NRXN3: variants seen among roughly 807,000 people sequenced by gnomAD.
The protein encoded by NRXN3 is neurexin 3.
In NRXN3, 32 loss-of-function variants were observed where a neutral mutation model predicts 137.6. That is an observed-to-expected ratio of 0.23 (90% CI 0.18 to 0.31). The LOEUF (loss-of-function observed/expected upper bound fraction) is 0.31. Ranked by LOEUF, NRXN3 falls within the 10% of genes least tolerant of loss-of-function variation. The probability of loss-of-function intolerance (pLI) is 1.00; values close to 1 mark genes in which losing one functional copy is unlikely to be tolerated. For synonymous variants in NRXN3, 798 were observed against 784.5 expected (o/e 1.02, Z -0.29); for missense variants, 1,574 against 2,062.5 (o/e 0.76, Z 4.59).
At chr14:79,561,377 T>C (rs1324623022) in intron 16 of NRXN3, among the ~76,000 whole-genome samples, 1 of 152,154 alleles carries the variant, frequency 6.6e-6, no homozygotes, top group African/African-American at 2.4e-5. Flanking sequence ...GCAGTAATGG[T>C]GAACAAATGT....
chr14:78,414,035 G>A (rs2092991902), intron 4 of NRXN3, among the ~76,000 whole-genome samples: 1 of 152,314 alleles, frequency 6.6e-6, no homozygotes, highest in African/African-American at 2.4e-5. Context: ...CAGCATGTAA[G>A]ACATGCCTTT....
intron 15 of NRXN3, among the ~76,000 whole-genome samples, chr14:79,097,024 T>TTC (rs1415480549): frequency 6.6e-6 from 1 of 151,824 alleles, no homozygotes; most frequent in Non-Finnish European, 1.5e-5. Context: ...TTTTTTTTTT[T>TTC]TTTTTACTTT....
intron 16 of NRXN3, among the ~76,000 whole-genome samples, chr14:79,575,509 A>T (rs1191654308): frequency 1.3e-5 from 2 of 152,238 alleles, no homozygotes; most frequent in Non-Finnish European, 2.9e-5. Context: ...TTAACAAAAC[A>T]TAAAAATAAC....
intron 4 of NRXN3, among the ~76,000 whole-genome samples, chr14:78,567,286 A>G (rs146556408): frequency 1.2e-4 from 18 of 152,366 alleles, no homozygotes; most frequent in African/African-American, 4.1e-4. Flanking sequence ...GGGCAAGAGT[A>G]CATAGAAAGG....
chr14:79,776,241 C>A (rs929322817), intron 19 of NRXN3, among the ~76,000 whole-genome samples: 3 of 152,108 alleles, frequency 2.0e-5, no homozygotes, highest in Non-Finnish European at 2.9e-5. Flanking sequence ...TTTATGATTT[C>A]TCTCTTCCTC....
chr14:78,235,654 C>T (rs1045574767), intron 1 of NRXN3, among the ~76,000 whole-genome samples: 6 of 151,992 alleles, frequency 3.9e-5, no homozygotes, highest in Non-Finnish European at 7.4e-5. Flanking sequence ...CCTGTCTCTC[C>T]CCATCTCCAT....
intron 15 of NRXN3, among the ~76,000 whole-genome samples, chr14:79,143,550 G>T (rs1311037443): frequency 2.0e-5 from 3 of 152,172 alleles, no homozygotes; most frequent in Non-Finnish European, 4.4e-5. Flanking sequence ...GAAATTGATT[G>T]AAAAGAAAAC....
chr14:78,427,452 T>C (rs976595180), intron 4 of NRXN3, among the ~76,000 whole-genome samples: 5 of 152,280 alleles, frequency 3.3e-5, no homozygotes, highest in Admixed American at 1.3e-4. Context: ...AAGTGAAATA[T>C]TTTGCCAGCT....
intron 19 of NRXN3, among the ~76,000 whole-genome samples, chr14:79,729,817 G>C (rs2098915159): frequency 6.6e-6 from 1 of 152,116 alleles, no homozygotes; most frequent in Non-Finnish European, 1.5e-5. Flanking sequence ...TCCTGGATTC[G>C]AGTGAGTGCA....
chr14:79,041,289 A>C (rs1449144371), intron 15 of NRXN3, among the ~76,000 whole-genome samples: 1 of 152,202 alleles, frequency 6.6e-6, no homozygotes, highest in African/African-American at 2.4e-5. Flanking sequence ...TGTATGTCAA[A>C]GAGCATGGTT....
In NRXN3 at chr14:79,166,106, A is replaced by AT. The variant is rs563746086; in HGVS notation, c.3262+177972dup. On this transcript the variant is annotated intron_variant, in intron 15 of 20. Transcript: ENST00000335750. ...CTGGTTTACTCCCTTTTTAGAAATTATTTTTTTGATGAATATCATGTTAAA... is the reference window on the plus strand; with the variant it reads ...CTGGTTTACTCCCTTTTTAGAAATTATTTTTTTTGATGAATATCATGTTAAA... 2.4e-3 allele frequency among the ~76,000 whole-genome samples: 365 copies of AT among 152,042 alleles called. 2 individuals are homozygous for AT. The highest frequency in any genetic ancestry group is 8.1e-3 in the African/African-American group (338 of 41,498).
intron 15 of NRXN3, among the ~76,000 whole-genome samples, chr14:79,412,661 C>G (rs2095434009): frequency 6.6e-6 from 1 of 150,700 alleles, no homozygotes; most frequent in African/African-American, 2.4e-5. Flanking sequence ...CCTGTAATCC[C>G]AATCCCAGCT....
intron 15 of NRXN3, among the ~76,000 whole-genome samples, chr14:79,200,717 A>G (rs1376291964): frequency 6.6e-6 from 1 of 152,064 alleles, no homozygotes; most frequent in Admixed American, 6.6e-5. Flanking sequence ...TTGAAGAAAG[A>G]GATTTCACAC....
At chr14:79,739,368 G>C (rs1406304602) in intron 19 of NRXN3, among the ~76,000 whole-genome samples, 1 of 152,110 alleles carries the variant, frequency 6.6e-6, no homozygotes, top group Non-Finnish European at 1.5e-5. Context: ...GCCCTCACTG[G>C]GCATGGTGGC....
chr14:78,189,230 C>T (rs1171647362), intron 1 of NRXN3, among the ~76,000 whole-genome samples: 1 of 152,202 alleles, frequency 6.6e-6, no homozygotes, highest in African/African-American at 2.4e-5. Context: ...CCACCACTTG[C>T]CTAGATGTCT....
chr14:79,358,915 A>G (rs2093585765), intron 15 of NRXN3, among the ~76,000 whole-genome samples: 1 of 152,196 alleles, frequency 6.6e-6, no homozygotes, highest in East Asian at 1.9e-4. Context: ...AACTAGGGCA[A>G]AGGGGAAAAA....
rs111644296 is a variant in NRXN3 at position 79,639,000 on chromosome 14, C to G, written c.3445-24778C>G. Among the ~76,000 whole-genome samples the G allele has an allele frequency of 2.1e-3, 324 of 152,244 alleles. 3 individuals carry two copies. Among genetic ancestry groups the G allele is most frequent in the African/African-American group, 7.4e-3 (309 of 41,544 alleles). Reference sequence around the variant, plus strand: ...AAGCAAGGTGGTAACTCACCCTTCCCTGCCCTTTCATCTCTCTGTAATACG... The same window carrying G: ...AAGCAAGGTGGTAACTCACCCTTCCGTGCCCTTTCATCTCTCTGTAATACG... On this transcript the variant is annotated intron_variant, in intron 16 of 20. Transcript: ENST00000335750.
intron 4 of NRXN3, among the ~76,000 whole-genome samples, chr14:78,539,405 G>A (rs1468676718): frequency 6.6e-6 from 1 of 152,160 alleles, no homozygotes; most frequent in Non-Finnish European, 1.5e-5. Context: ...TTTGCATAGA[G>A]GTGTTTATAG....
intron 15 of NRXN3, among the ~76,000 whole-genome samples, chr14:79,129,101 A>T (rs2057034284): frequency 6.6e-6 from 1 of 151,814 alleles, no homozygotes; most frequent in Non-Finnish European, 1.5e-5. Flanking sequence ...GCAGTCTATC[A>T]ATTTTGTTGA....
Sources: gnomAD v4.1 joint callset for allele counts (sites outside exome capture counted in the v4.1 genomes callset) on GRCh38, gnomAD v4.1.1 for gene constraint, MANE v1.5 for transcripts, NCBI Gene and HGNC (gene_info 2026-07-23, HGNC 2026-07-21) for gene names.